Variants in ANKFN1 observed in about 807,000 individuals in gnomAD.
ANKFN1 encodes the protein ankyrin repeat and fibronectin type-III domain-containing protein 1.
A neutral mutation model predicts 108.7 loss-of-function variants in ANKFN1; 74 were observed. The observed-to-expected ratio is 0.68, with a 90% CI of 0.56 to 0.83. The LOEUF (loss-of-function observed/expected upper bound fraction) is 0.83, where lower values mean the gene tolerates loss of function less well. Ranked by LOEUF, ANKFN1 falls within the 40% of genes least tolerant of loss-of-function variation. The pLI, the probability that ANKFN1 is intolerant of heterozygous loss-of-function variation, is 0.00. For synonymous variants in ANKFN1, 547 were observed against 516.2 expected (o/e 1.06, Z -0.81); for missense variants, 1,505 against 1,382.3 (o/e 1.09, Z -1.41).
chr17:56,440,062 C>T (rs369187577), intron 8 of ANKFN1, among the ~76,000 whole-genome samples: 1 of 147,962 alleles, frequency 6.8e-6, no homozygotes, highest in East Asian at 2.1e-4. Context: ...GCATGTACTA[C>T]AATATACATT....
chr17:56,130,196 C>G (rs1907194066), intron 4 of ANKFN1, among the ~76,000 whole-genome samples: 2 of 152,194 alleles, frequency 1.3e-5, no homozygotes, highest in South Asian at 4.1e-4. Flanking sequence ...TGCTCGCATT[C>G]ATAATGAAGC....
chr17:56,435,090 C>G (rs1007790756), intron 8 of ANKFN1, among the ~76,000 whole-genome samples: 1 of 152,142 alleles, frequency 6.6e-6, no homozygotes, highest in Non-Finnish European at 1.5e-5. Flanking sequence ...TCCATTTCAA[C>G]CACTAACTGA....
chr17:56,363,614 T>G (rs933044135), intron 6 of ANKFN1, among the ~76,000 whole-genome samples: 1 of 152,204 alleles, frequency 6.6e-6, no homozygotes, highest in African/African-American at 2.4e-5. Flanking sequence ...AAGAGATGTC[T>G]GCACTTCCAT....
At chr17:56,332,861 A>C (rs1045512389) in intron 4 of ANKFN1, among the ~76,000 whole-genome samples, 1 of 152,096 alleles carries the variant, frequency 6.6e-6, no homozygotes, top group African/African-American at 2.4e-5. Flanking sequence ...CTACTGAAAT[A>C]AAAAGCCTGC....
At chr17:56,170,675 A>C (rs1184964352) in intron 1 of ANKFN1, among the ~76,000 whole-genome samples, 1 of 149,740 alleles carries the variant, frequency 6.7e-6, no homozygotes, top group Non-Finnish European at 1.5e-5. Flanking sequence ...AGGCAGGAGA[A>C]TCTCTTGAAC....
chr17:56,066,559 CT>C (rs1389754826), intron 4 of ANKFN1, among the ~76,000 whole-genome samples: 1 of 151,884 alleles, frequency 6.6e-6, no homozygotes, highest in Non-Finnish European at 1.5e-5. Context: ...TTAATTTTAC[CT>C]ATTTATTTTT....
intron 4 of ANKFN1, among the ~76,000 whole-genome samples, chr17:56,078,219 G>A (rs990214774): frequency 1.2e-4 from 18 of 152,178 alleles, no homozygotes; most frequent in Non-Finnish European, 2.9e-5. Context: ...CCTGGCCAGA[G>A]TTGACACAGA....
chr17:56,499,010 G>A lies in ANKFN1; in HGVS notation c.2556G>A (p.Lys852=), dbSNP rs997186428. ...ACCCCTCAGATGAGCAGAGCCTAAAGAAGATCAATTCTACATCATCATCAC... is the reference window on the plus strand; with the variant it reads ...ACCCCTCAGATGAGCAGAGCCTAAAAAAGATCAATTCTACATCATCATCAC... ...LIDPSDEQSL[K]KINSTSSSHI... The change falls in exon 20 of 21, where the codon AAG becomes AAA. Residue 852 remains lysine (K), a synonymous_variant. Transcript: ENST00000682825. 5.9e-6 allele frequency: 9 copies of A among 1,535,640 alleles called. No individual in the cohort carries two copies. In the African/African-American group the frequency reaches 9.6e-5, roughly 16 times the overall value.
Position 56,482,341 on chromosome 17 carries a change from C to T in ANKFN1, c.2092-15C>T, listed in dbSNP as rs183729092. ...GTAACTCTCCTATTTTTCCTCCGCG[C>T]GTGTCCCTCTGCAGGCAAGGAACTT... On this transcript the variant is annotated splice_polypyrimidine_tract_variant and intron_variant, in intron 17 of 20. Coordinates refer to ENST00000682825, the MANE Select transcript of ANKFN1 (RefSeq NM_001370326.1). 40 of 1,579,448 alleles carry T rather than the reference C, an allele frequency of 2.5e-5. No homozygotes were observed. The highest frequency in any genetic ancestry group is 1.3e-4 in the Admixed American group (7 of 55,556).
At position 56,105,711 on chromosome 17, in the gene ANKFN1, C is replaced by CTGTCTG. The variant is rs1555594332; in HGVS notation, c.288+59389_288+59390insCTGTGT. On this transcript the variant is annotated intron_variant, in intron 4 of 12. Coordinates refer to the ANKFN1 transcript ENST00000635860. ...TTTGGAGTTTTGGGGGTTTTTTTGT[C>CTGTCTG]TGTGTGTGTGTGTGTGTGTGTGTGT... Among the ~76,000 whole-genome samples, 113 of 144,658 alleles carry CTGTCTG rather than the reference C, an allele frequency of 7.8e-4. No homozygotes were observed. The East Asian group carries it at 0.011, about 14-fold the overall frequency. The allele number at this position is 144,658 out of a possible 152,430, so 94.9% of individuals were successfully genotyped here.
intron 4 of ANKFN1, among the ~76,000 whole-genome samples, chr17:56,076,281 T>C (rs1489057063): frequency 6.6e-6 from 1 of 152,228 alleles, no homozygotes; most frequent in Non-Finnish European, 1.5e-5. Flanking sequence ...GTGCTGCTAC[T>C]ATACCAGAGA....
intron 14 of ANKFN1, among the ~76,000 whole-genome samples, chr17:56,465,143 G>A (rs2050033081): frequency 6.6e-6 from 1 of 151,698 alleles, no homozygotes; most frequent in African/African-American, 2.4e-5. Context: ...GCATCACACT[G>A]CTTATTAGTA....
intron 8 of ANKFN1, among the ~76,000 whole-genome samples, chr17:56,411,367 G>A (rs1406601995): frequency 6.6e-6 from 1 of 152,086 alleles, no homozygotes; most frequent in Non-Finnish European, 1.5e-5. Context: ...GAATGTATCA[G>A]TTCTACAGGT....
chr17:56,159,905 C>T (rs1395087041), intron 1 of ANKFN1, among the ~76,000 whole-genome samples: 3 of 91,412 alleles, frequency 3.3e-5, no homozygotes, highest in African/African-American at 4.4e-5. Context: ...GGGGCCAGGG[C>T]GGGGCAGGGG....
At chr17:56,503,281 G>C (rs1278740085) in intron 20 of ANKFN1, among the ~76,000 whole-genome samples, 2 of 151,722 alleles carry the variant, frequency 1.3e-5, no homozygotes, top group Non-Finnish European at 2.9e-5. Flanking sequence ...TCCAGATGAT[G>C]TTAAGAGTAC....
At chr17:56,091,433 C>G (rs1905417227) in intron 4 of ANKFN1, among the ~76,000 whole-genome samples, 1 of 144,644 alleles carries the variant, frequency 6.9e-6, no homozygotes, top group Admixed American at 6.8e-5. Context: ...CACACACACA[C>G]ACACACACAC....
chr17:56,266,553 T>A (rs1042538522), intron 3 of ANKFN1, among the ~76,000 whole-genome samples: 2 of 152,216 alleles, frequency 1.3e-5, no homozygotes, highest in African/African-American at 4.8e-5. Context: ...TCTATCCCTG[T>A]GTAAGTTGAG....
chr17:56,113,434 G>A (rs1473583248), intron 4 of ANKFN1, among the ~76,000 whole-genome samples: 1 of 152,156 alleles, frequency 6.6e-6, no homozygotes, highest in East Asian at 1.9e-4. Flanking sequence ...TTAAAAGTTA[G>A]CAAGATAAAA....
chr17:56,215,098 C>T (rs927319954), intron 2 of ANKFN1, among the ~76,000 whole-genome samples: 12 of 152,214 alleles, frequency 7.9e-5, no homozygotes, highest in African/African-American at 1.4e-4. Context: ...CTATCATCCT[C>T]GTCTCCAAAC....
Sources: allele counts gnomAD v4.1 joint callset (sites outside exome capture counted in the v4.1 genomes callset), GRCh38; gene constraint gnomAD v4.1.1; transcripts MANE v1.5; gene names NCBI Gene and HGNC (gene_info 2026-07-23, HGNC 2026-07-21).